BCAP29: variants seen among roughly 807,000 people sequenced by gnomAD.
BCAP29 encodes B cell receptor associated protein 29.
In BCAP29, 34 loss-of-function variants were observed where a neutral mutation model predicts 31.8. That is an observed-to-expected ratio of 1.07 (90% CI 0.81 to 1.42). The LOEUF (loss-of-function observed/expected upper bound fraction) is 1.42. BCAP29 is among the 40% of genes most tolerant of loss of function. The pLI is 0.00. For missense variants in BCAP29, 314 were observed against 269.2 expected (o/e 1.17, Z -1.16); for synonymous variants, 104 against 91.3 (o/e 1.14, Z -0.79).
intron 7 of BCAP29, among the ~76,000 whole-genome samples, chr7:107,617,103 ATAGT>A (rs1284748686): frequency 9.2e-5 from 14 of 152,116 alleles, no homozygotes; most frequent in African/African-American, 2.9e-4. Flanking sequence ...GAAGCAAAAG[ATAGT>A]TACAGATCCT....
chr7:107,618,566 G>A lies in BCAP29; in HGVS notation c.*203G>A. On this transcript the variant is annotated 3_prime_UTR_variant, in exon 8 of 8. Transcript: ENST00000005259. ...GCAAAGTCTGTATTCCAGCTCTTAA[G>A]AAAAATATAAGCATGTTAAATACCA... The A allele has an allele frequency of 6.3e-7, 1 of 1,595,540 alleles. No individual in the cohort carries two copies.
Position 107,594,062 on chromosome 7 carries a change from C to G in BCAP29, c.301C>G (p.Gln101Glu), listed in dbSNP as rs761027425. The G allele has an allele frequency of 1.1e-5, 17 of 1,613,152 alleles. No homozygotes were observed. Among genetic ancestry groups the G allele is most frequent in the Non-Finnish European group, 1.4e-5 (16 of 1,179,480 alleles). ...EHTQMKLFRS[Q>E]RNLYISGFSL... ...CACACAGATGAAACTTTTTAGGTCT[C>G]AAAGAAATCTTTACATTTCTGGATT... Residue 101 changes from glutamine to glutamate, a missense_variant, in exon 4 of 8, where the codon CAA becomes GAA. Coordinates refer to ENST00000005259, the MANE Select transcript of BCAP29 (RefSeq NM_018844.4).
At chr7:107,583,076 C>T (rs1045904818) in intron 2 of BCAP29, among the ~76,000 whole-genome samples, 2 of 151,876 alleles carry the variant, frequency 1.3e-5, no homozygotes, top group African/African-American at 4.8e-5. Flanking sequence ...TAAGTGCTTA[C>T]TACATTTTTC....
chr7:107,600,807 G>C (rs1811038063), intron 6 of BCAP29, among the ~76,000 whole-genome samples: 1 of 152,224 alleles, frequency 6.6e-6, no homozygotes, highest in Non-Finnish European at 1.5e-5. Context: ...TTTATAAAAA[G>C]AATCACATTT....
At chr7:107,586,808 A>T (rs1016857267) in intron 3 of BCAP29, among the ~76,000 whole-genome samples, 1 of 150,122 alleles carries the variant, frequency 6.7e-6, no homozygotes, top group Non-Finnish European at 1.5e-5. Flanking sequence ...GCTCACTGCA[A>T]CCTCCACTTT....
chr7:107,618,694 A>T lies in BCAP29; in HGVS notation c.*331A>T. ...TCCAAAATTAGAAGTTTTAAGTTGC[A>T]TGAAACCATTAATAGCCTTGAAAGC... On this transcript the variant is annotated 3_prime_UTR_variant, in exon 8 of 8. Coordinates refer to ENST00000005259, the MANE Select transcript of BCAP29 (RefSeq NM_018844.4). The T allele has an allele frequency of 1.9e-6, 2 of 1,025,640 alleles. No individual in the cohort carries two copies. Among genetic ancestry groups the T allele is most frequent in the South Asian group, 3.7e-5 (2 of 54,506 alleles). The allele number at this position is 1,025,640 out of a possible 1,614,324, so 63.5% of individuals were successfully genotyped here. A position where few individuals can be genotyped will look rare whatever the true frequency, so the allele number is the denominator to read the frequency against.
At chr7:107,602,964 C>CTTTTTT (rs34887499) in intron 6 of BCAP29, among the ~76,000 whole-genome samples, 39 of 68,278 alleles carry the variant, frequency 5.7e-4, no homozygotes, top group Non-Finnish European at 7.1e-4. Context: ...TTCTTTTATT[C>CTTTTTT]TTTTTTTTTT....
intron 2 of BCAP29, among the ~76,000 whole-genome samples, chr7:107,582,648 A>G (rs1806913718): frequency 6.6e-6 from 1 of 152,196 alleles, no homozygotes; most frequent in Non-Finnish European, 1.5e-5. Context: ...TGTTGTAATT[A>G]AATGAGATAA....
At chr7:107,613,248 G>C in intron 6 of BCAP29, 84 bp from the exon 7 acceptor site, 1 of 910,932 alleles carries the variant, frequency 1.1e-6, no homozygotes, top group South Asian at 1.7e-5. Flanking sequence ...AGACTATACA[G>C]GAGTTCTCTA....
rs1006990055 is a variant in BCAP29, at chr7:107,618,641, A to G, written c.*278A>G. ...GGTATATGGTGGCTGTTTACCAATA[A>G]AAGGAAAAAATTCATTAACCGGTTG... On this transcript the variant is annotated 3_prime_UTR_variant, in exon 8 of 8. Transcript: ENST00000005259. 2 of 1,447,168 alleles carry G rather than the reference A, an allele frequency of 1.4e-6. No individual in the cohort carries two copies. The highest frequency in any genetic ancestry group is 2.8e-5 in the African/African-American group (2 of 70,318). 89.6% of individuals were successfully genotyped at this position (1,447,168 alleles called of 1,614,324 possible). A position where few individuals can be genotyped will look rare whatever the true frequency, so the allele number is the denominator to read the frequency against.
chr7:107,589,358 T>C (rs1225612215), intron 3 of BCAP29, among the ~76,000 whole-genome samples: 3 of 152,208 alleles, frequency 2.0e-5, no homozygotes, highest in Admixed American at 1.3e-4. Context: ...AGCCCTGAGC[T>C]TGTTTCCTAC....
intron 3 of BCAP29, among the ~76,000 whole-genome samples, chr7:107,592,437 G>C (rs1260657943): frequency 6.6e-6 from 1 of 152,184 alleles, no homozygotes; most frequent in African/African-American, 2.4e-5. Flanking sequence ...ATAATAACAA[G>C]TGTTGCTGAG....
chr7:107,587,794 T>C (rs563983643), intron 3 of BCAP29: 78 of 151,890 alleles, frequency 5.1e-4, no homozygotes, highest in African/African-American at 1.8e-3. Flanking sequence ...AGAAAAATTA[T>C]AGAAAGTTAT....
chr7:107,621,614 A>C, downstream of BCAP29: 1 of 445,960 alleles, frequency 2.2e-6, no homozygotes, highest in Non-Finnish European at 4.7e-6. Context: ...ATGCAGCTAC[A>C]TCTATGCTTA....
intron 6 of BCAP29, among the ~76,000 whole-genome samples, chr7:107,612,426 TA>T (rs1563141432): frequency 0.04 from 1,786 of 44,588 alleles, 117 homozygotes; most frequent in African/African-American, 0.078. Flanking sequence ...TATATATATA[TA>T]TATATATATA....
intron 5 of BCAP29, among the ~76,000 whole-genome samples, chr7:107,597,368 G>A (rs1019146762): frequency 5.9e-5 from 9 of 151,908 alleles, no homozygotes; most frequent in African/African-American, 1.5e-4. Context: ...GAGTTACCGC[G>A]CCCAGCCATA....
chr7:107,598,568 A>G (rs944703311), intron 5 of BCAP29, among the ~76,000 whole-genome samples: 6 of 152,120 alleles, frequency 3.9e-5, no homozygotes, highest in East Asian at 1.9e-4. Context: ...AGTAGAGACC[A>G]TGTTTCTCTT....
intron 6 of BCAP29, among the ~76,000 whole-genome samples, chr7:107,601,115 G>GT (rs1336900991): frequency 6.6e-6 from 1 of 152,006 alleles, no homozygotes; most frequent in African/African-American, 2.4e-5. Flanking sequence ...TTTTGCTAGT[G>GT]TTTTTTTCTT....
intron 3 of BCAP29, among the ~76,000 whole-genome samples, chr7:107,588,393 T>G (rs554674123): frequency 6.6e-6 from 1 of 152,360 alleles, no homozygotes; most frequent in South Asian, 2.1e-4. Context: ...AAGTGTTTAC[T>G]TTTATGTTAT....
Sources: gnomAD v4.1 joint callset for allele counts (sites outside exome capture counted in the v4.1 genomes callset) on GRCh38, gnomAD v4.1.1 for gene constraint, MANE v1.5 for transcripts, NCBI Gene and HGNC (gene_info 2026-07-23, HGNC 2026-07-21) for gene names.